Variants in MYO10 observed in about 807,000 individuals in gnomAD.
MYO10 encodes unconventional myosin-X.
A neutral mutation model predicts 257.3 loss-of-function variants in MYO10; 133 were observed. That is an observed-to-expected ratio of 0.52 (90% confidence interval 0.45 to 0.60). MYO10 has a LOEUF of 0.60. Among genes scored for constraint, MYO10 ranks in the 20% least tolerant of loss-of-function variants. The probability of loss-of-function intolerance (pLI) is 0.00; values close to 1 mark genes in which losing one functional copy is unlikely to be tolerated. For missense variants in MYO10, 2,399 were observed against 2,635.7 expected, an observed-to-expected ratio of 0.91 and a Z score of 1.97; for synonymous variants, 1,104 against 1,028.6, an observed-to-expected ratio of 1.07 and a Z score of -1.40.
intron 21 of MYO10, among the ~76,000 whole-genome samples, chr5:16,710,000 T>A (rs1738523780): frequency 6.6e-6 from 1 of 152,244 alleles, no homozygotes; most frequent in African/African-American, 2.4e-5. Context: ...TACGTCTCTC[T>A]CTTCCCCCGC....
At chr5:16,679,540 T>C (rs79640092) in intron 33 of MYO10, among the ~76,000 whole-genome samples, 74 of 150,572 alleles carry the variant, frequency 4.9e-4, no homozygotes, top group Admixed American at 8.6e-4. Flanking sequence ...TTTTTTTTTT[T>C]TTGAGACGAA....
rs1248822497 is a variant in MYO10, at chr5:16,818,028, T to C, written c.260A>G (p.Tyr87Cys). The change falls in exon 3 of 41, where the codon TAT becomes TGT. Residue 87 changes from tyrosine (Y) to cysteine (C), a missense_variant. Physicochemically the swap from Tyr to Cys is radical, Grantham distance 194. Around this residue, in one of 3 missense-constraint regions of MYO10, gnomAD observed 242 missense variants for 249.5 expected, o/e 0.97. Coordinates refer to ENST00000513610, the MANE Select transcript of MYO10 (RefSeq NM_012334.3). ...ACTTACATATATTTGATTTCTCTTA[T>C]ACCGCTGGAATAAGTTATACATGAT... ...GSIMYNLFQR[Y>C]KRNQIYTYIG... The C allele has an allele frequency of 1.3e-6, 2 of 1,589,064 alleles. No homozygotes were observed. The highest frequency in any genetic ancestry group is 2.7e-5 in the African/African-American group (2 of 74,616).
chr5:16,826,936 T>C (rs1324078021), intron 2 of MYO10, among the ~76,000 whole-genome samples: 2 of 152,218 alleles, frequency 1.3e-5, no homozygotes, highest in East Asian at 3.8e-4. Context: ...GTGCTTTCAA[T>C]GACTGGTGTA....
chr5:16,805,500 C>A (rs1269370321), intron 3 of MYO10, among the ~76,000 whole-genome samples: 1 of 149,114 alleles, frequency 6.7e-6, no homozygotes. Flanking sequence ...AAAAAGAAAT[C>A]CTAAGGTCTA....
intron 9 of MYO10, 143 bp downstream of exon 9, chr5:16,779,402 G>T: frequency 1.8e-6 from 1 of 550,736 alleles, no homozygotes; most frequent in Non-Finnish European, 3.2e-6. Flanking sequence ...GAACAAGAAG[G>T]AAATACCTGT....
chr5:16,685,636 ACTGT>A lies in MYO10; in HGVS notation c.3990+98_3990+101del, dbSNP rs573814625. The A allele has an allele frequency of 1.2e-4, 104 of 862,330 alleles. No individual in the cohort carries two copies. The African/African-American group carries it at 1.3e-3, about 11-fold the overall frequency. The allele number at this position is 862,330 out of a possible 1,614,324, so 53.4% of individuals were successfully genotyped here. ...TTCTATATTTACCTTTTAAAAAAAG[ACTGT>A]CTGGAAATTCCCAATCTTTCCCTTT... On this transcript the variant is annotated intron_variant, in intron 29 of 40. Coordinates refer to ENST00000513610, the MANE Select transcript of MYO10 (RefSeq NM_012334.3).
At position 16,855,499 on chromosome 5, in the gene MYO10, A is replaced by G. The variant is rs147140965; in HGVS notation, c.120+22110T>C. Reference sequence around the variant, plus strand: ...CAGATGTTAATTATAAATACATCTTATATCAGAAAAAAATAAATGCTAAAG... The same window carrying G: ...CAGATGTTAATTATAAATACATCTTGTATCAGAAAAAAATAAATGCTAAAG... On this transcript the variant is annotated intron_variant, in intron 2 of 40. Transcript: ENST00000513610. Among the ~76,000 whole-genome samples, 364 of 152,346 alleles carry G rather than the reference A, an allele frequency of 2.4e-3. 1 individual carries two copies. The highest frequency in any genetic ancestry group is 4.2e-3 in the Non-Finnish European group (283 of 68,030).
chr5:16,898,698 C>G (rs1043081782), intron 1 of MYO10, among the ~76,000 whole-genome samples: 2 of 151,842 alleles, frequency 1.3e-5, no homozygotes, highest in Non-Finnish European at 2.9e-5. Context: ...TGTGAGCCAC[C>G]ATGCCTGGCC....
chr5:16,914,597 T>C (rs1418863486), intron 1 of MYO10, among the ~76,000 whole-genome samples: 2 of 152,244 alleles, frequency 1.3e-5, no homozygotes, highest in Non-Finnish European at 2.9e-5. Flanking sequence ...GCCCCAGATA[T>C]GTCTTTCCTA....
At chr5:16,879,976 G>A (rs1336516476) in intron 1 of MYO10, among the ~76,000 whole-genome samples, 1 of 152,156 alleles carries the variant, frequency 6.6e-6, no homozygotes, top group African/African-American at 2.4e-5. Flanking sequence ...TCAGGAGTTT[G>A]AGACCAGCCT....
chr5:16,703,598 G>A lies in MYO10; in HGVS notation c.2277-440C>T, dbSNP rs572754770. ...CGCACATGAGGAGAAGTTGCCTCAG[G>A]CCAGGTGCGGTGGCTCATGCCTGTA... On this transcript the variant is annotated intron_variant, in intron 22 of 40. Transcript: ENST00000513610. 3.3e-5 allele frequency among the ~76,000 whole-genome samples: 5 copies of A among 152,294 alleles called. No homozygotes were observed. In the South Asian group the frequency reaches 1.0e-3, roughly 32 times the overall value.
Position 16,666,709 on chromosome 5 carries a change from G to T in MYO10, c.6160C>A (p.Gln2054Lys), listed in dbSNP as rs372465633. 1.7e-4 allele frequency: 271 copies of T among 1,604,228 alleles called. 1 individual carries two copies. Among genetic ancestry groups the T allele is most frequent in the Admixed American group, 5.4e-4 (32 of 59,260 alleles). The change falls in exon 41 of 41, where the codon CAG (glutamine) becomes AAG (lysine). Residue 2054 changes from glutamine (Q) to lysine (K), a missense_variant. Gln to Lys is a moderately conservative substitution (Grantham distance 53). Coordinates refer to ENST00000513610, the MANE Select transcript of MYO10 (RefSeq NM_012334.3). ...RYSTTRSASSQGSSR is the reference protein window; with the variant it reads ...RYSTTRSASSKGSSR The stretch of plus-strand genomic sequence containing the variant: ...TCCCGCCTTCACCTGGAGCTGCCCT[G>T]GCTGCTGGCGGAGCGTGTCGTGCTG...
chr5:16,847,301 G>C (rs563844366), intron 2 of MYO10, among the ~76,000 whole-genome samples: 2 of 151,890 alleles, frequency 1.3e-5, no homozygotes, highest in Non-Finnish European at 2.9e-5. Flanking sequence ...GCAGGTGCCT[G>C]TAGTTCCAGC....
intron 3 of MYO10, among the ~76,000 whole-genome samples, chr5:16,814,203 G>A (rs767750552): frequency 1.3e-5 from 2 of 152,110 alleles, no homozygotes; most frequent in African/African-American, 2.4e-5. Context: ...AGGGCAGTGC[G>A]CGATCTCGGC....
intron 19 of MYO10, among the ~76,000 whole-genome samples, chr5:16,730,699 C>T (rs1394467043): frequency 1.3e-5 from 2 of 152,190 alleles, no homozygotes; most frequent in Non-Finnish European, 2.9e-5. Context: ...CCCAGGTTCC[C>T]TGGCCCCTGT....
chr5:16,708,070 C>G (rs916947444), intron 21 of MYO10, among the ~76,000 whole-genome samples: 1 of 152,182 alleles, frequency 6.6e-6, no homozygotes, highest in Non-Finnish European at 1.5e-5. Context: ...TGGTCAAGAT[C>G]AAAGCTATCA....
intron 19 of MYO10, among the ~76,000 whole-genome samples, chr5:16,719,918 T>C (rs1739071451): frequency 6.6e-6 from 1 of 152,062 alleles, no homozygotes; most frequent in Non-Finnish European, 1.5e-5. Context: ...GGGCCGAGAT[T>C]GTACCATTGC....
In MYO10 at chr5:16,916,451, C is replaced by T. The variant is rs994692261; in HGVS notation, c.21+19337G>A. On this transcript the variant is annotated intron_variant, in intron 1 of 40. Coordinates refer to ENST00000513610, the MANE Select transcript of MYO10 (RefSeq NM_012334.3). ...AAATCAGATTACATTAAATTACTTG[C>T]TTTTTTTCTCCTCTTGCTAGGAAGG... 1.7e-3 allele frequency: 283 copies of T among 162,516 alleles called. 1 individual carries two copies. The highest frequency in any genetic ancestry group is 6.8e-3 in the African/African-American group (274 of 40,026). The allele number at this position is 162,516 out of a possible 1,614,324, so 10.1% of individuals were successfully genotyped here. A position where few individuals can be genotyped will look rare whatever the true frequency, so the allele number is the denominator to read the frequency against.
chr5:16,748,617 G>GGAGA (rs1166943296), intron 19 of MYO10, among the ~76,000 whole-genome samples: 1 of 135,050 alleles, frequency 7.4e-6, no homozygotes, highest in Non-Finnish European at 1.5e-5. Flanking sequence ...AGGGAGAGAG[G>GGAGA]GAGAGAGGGA....
Sources: gnomAD v4.1 joint callset for allele counts (sites outside exome capture counted in the v4.1 genomes callset) on GRCh38, gnomAD v4.1.1 for gene constraint, gnomAD v4.1.1 regional missense constraint, MANE v1.5 for transcripts, NCBI Gene and HGNC (gene_info 2026-07-23, HGNC 2026-07-21) for gene names.